CSMD1: variants seen among roughly 807,000 people sequenced by gnomAD.
CSMD1 encodes CUB and Sushi multiple domains 1, also known as CUB and sushi domain-containing protein 1.
In CSMD1, 213 loss-of-function variants were observed where a neutral mutation model predicts 417.5. That is an observed-to-expected ratio of 0.51 (90% CI 0.46 to 0.57). The LOEUF is 0.57. Among genes scored for constraint, CSMD1 ranks in the 20% least tolerant of loss-of-function variants. The probability of loss-of-function intolerance (pLI) is 0.00; values close to 1 mark genes in which losing one functional copy is unlikely to be tolerated. For missense variants in CSMD1, 6,923 were observed against 4,529.7 expected (o/e 1.53, Z -15.17); for synonymous variants, 2,862 against 1,736.8 (o/e 1.65, Z -16.11).
intron 41 of CSMD1, among the ~76,000 whole-genome samples, chr8:3,130,681 G>A (rs1029389223): frequency 1.3e-5 from 2 of 151,784 alleles, no homozygotes; most frequent in African/African-American, 2.4e-5. Context: ...TTCCTAGCAC[G>A]TGCAGCCATG....
chr8:3,562,996 TA>T (rs1799535741), intron 10 of CSMD1, among the ~76,000 whole-genome samples: 1 of 152,070 alleles, frequency 6.6e-6, no homozygotes, highest in African/African-American at 2.4e-5. Context: ...CTTCACAAGA[TA>T]ATATGAAGTC....
At chr8:4,647,020 G>C (rs115056119) in intron 1 of CSMD1, among the ~76,000 whole-genome samples, 1 of 152,040 alleles carries the variant, frequency 6.6e-6, no homozygotes, top group African/African-American at 2.4e-5. Flanking sequence ...GTGCTGACAC[G>C]GCCCTCCTCT....
intron 14 of CSMD1, 26 bp from the exon 15 acceptor site, chr8:3,406,247 G>T (rs528096432): frequency 5.4e-5 from 83 of 1,535,686 alleles, no homozygotes; most frequent in Non-Finnish European, 7.0e-5. Flanking sequence ...GAAGAAAAAA[G>T]GAATAAAAAT....
intron 1 of CSMD1, among the ~76,000 whole-genome samples, chr8:4,731,327 A>G (rs1391064017): frequency 1.3e-5 from 2 of 151,998 alleles, no homozygotes; most frequent in Non-Finnish European, 2.9e-5. Context: ...TTTTGCTCCC[A>G]CCTCATAAGC....
At chr8:4,281,198 G>A (rs891414893) in intron 3 of CSMD1, among the ~76,000 whole-genome samples, 3 of 152,102 alleles carry the variant, frequency 2.0e-5, no homozygotes, top group African/African-American at 4.8e-5. Context: ...AATGGACCTG[G>A]AAATATAAAA....
chr8:4,382,030 G>A (rs528008933), intron 3 of CSMD1, among the ~76,000 whole-genome samples: 1 of 152,146 alleles, frequency 6.6e-6, no homozygotes, highest in African/African-American at 2.4e-5. Context: ...GCTGGGGTCT[G>A]AATTTCTGTT....
chr8:4,806,681 G>C (rs190814623), intron 1 of CSMD1, among the ~76,000 whole-genome samples: 2 of 152,184 alleles, frequency 1.3e-5, no homozygotes, highest in African/African-American at 4.8e-5. Context: ...AACCATGGTC[G>C]CAGTGCCTGT....
chr8:4,158,922 T>TC (rs1322774335), intron 3 of CSMD1, among the ~76,000 whole-genome samples: 1 of 152,198 alleles, frequency 6.6e-6, no homozygotes, highest in Admixed American at 6.5e-5. Context: ...TCTATAATTA[T>TC]TATTTGTTTT....
intron 12 of CSMD1, among the ~76,000 whole-genome samples, chr8:3,416,254 G>A (rs1215463066): frequency 6.9e-6 from 1 of 145,722 alleles, no homozygotes; most frequent in Non-Finnish European, 1.5e-5. Flanking sequence ...AGTGAACCGG[G>A]ACTGCGCAAC....
Position 3,651,844 on chromosome 8 carries a change from C to T in CSMD1, c.1010-35047G>A, listed in dbSNP as rs1585020678. Among the ~76,000 whole-genome samples, 3 of 151,484 alleles carry T rather than the reference C, an allele frequency of 2.0e-5. No individual in the cohort carries two copies. The East Asian group carries it at 5.9e-4, about 30-fold the overall frequency. The stretch of plus-strand genomic sequence containing the variant: ...GCACCCACCACCATCAGAGCACCCA[C>T]CATCGCACTTACCACCATGAGCACA... On this transcript the variant is annotated intron_variant, in intron 7 of 69. Coordinates refer to ENST00000635120, the MANE Select transcript of CSMD1 (RefSeq NM_033225.6).
At chr8:3,084,820 G>C (rs1191543881) in intron 49 of CSMD1, among the ~76,000 whole-genome samples, 1 of 151,608 alleles carries the variant, frequency 6.6e-6, no homozygotes, top group African/African-American at 2.4e-5. Context: ...GTTTAATTTT[G>C]TCTTTAAAAT....
intron 5 of CSMD1, among the ~76,000 whole-genome samples, chr8:3,989,386 A>C (rs1414101018): frequency 6.6e-6 from 1 of 152,208 alleles, no homozygotes; most frequent in African/African-American, 2.4e-5. Context: ...AAGGTAATGA[A>C]AAAACGACAG....
chr8:3,301,971 C>T (rs1001743401), intron 25 of CSMD1, among the ~76,000 whole-genome samples: 1 of 151,928 alleles, frequency 6.6e-6, no homozygotes, highest in Non-Finnish European at 1.5e-5. Context: ...AAAGAAATCT[C>T]ATATAATTTA....
At chr8:3,841,755 T>A (rs1389157897) in intron 5 of CSMD1, among the ~76,000 whole-genome samples, 1 of 152,132 alleles carries the variant, frequency 6.6e-6, no homozygotes, top group Non-Finnish European at 1.5e-5. Flanking sequence ...CTGAGCTACA[T>A]TAATAACATC....
chr8:4,394,717 A>G (rs1408822062), intron 3 of CSMD1, among the ~76,000 whole-genome samples: 1 of 152,174 alleles, frequency 6.6e-6, no homozygotes, highest in Non-Finnish European at 1.5e-5. Context: ...TCTGTTGCCC[A>G]GATCAAAGAG....
intron 2 of CSMD1, among the ~76,000 whole-genome samples, chr8:4,527,714 A>G (rs1796590667): frequency 6.6e-6 from 1 of 152,204 alleles, no homozygotes; most frequent in Non-Finnish European, 1.5e-5. Context: ...ATTAATAGGT[A>G]CACTGATAAT....
At chr8:4,652,254 T>G (rs986363831) in intron 1 of CSMD1, among the ~76,000 whole-genome samples, 2 of 152,178 alleles carry the variant, frequency 1.3e-5, no homozygotes, top group Non-Finnish European at 2.9e-5. Flanking sequence ...GATGTCAGAA[T>G]AGAAATCCAG....
At position 4,133,097 on chromosome 8, in the gene CSMD1, G is replaced by A. The variant is rs1002417446; in HGVS notation, c.416-100998C>T. On this transcript the variant is annotated intron_variant, in intron 3 of 69. Coordinates refer to ENST00000635120, the MANE Select transcript of CSMD1 (RefSeq NM_033225.6). ...ACTACAGGTGTACGCCACCATGCCC[G>A]GATAATTTTTCTGTATTTTTAGTAG... Among the ~76,000 whole-genome samples, 8 of 152,020 alleles carry A rather than the reference G, an allele frequency of 5.3e-5. No homozygotes were observed. In the South Asian group the frequency reaches 8.3e-4, roughly 16 times the overall value.
chr8:3,708,831 C>G (rs1801328825), intron 6 of CSMD1, among the ~76,000 whole-genome samples: 1 of 152,170 alleles, frequency 6.6e-6, no homozygotes, highest in Admixed American at 6.5e-5. Flanking sequence ...AGATCACTCA[C>G]TTCATGTATC....
Sources: allele counts gnomAD v4.1 joint callset (sites outside exome capture counted in the v4.1 genomes callset), GRCh38; gene constraint gnomAD v4.1.1; transcripts MANE v1.5; gene names NCBI Gene and HGNC (gene_info 2026-07-23, HGNC 2026-07-21).